Variants in LSG1 observed in about 807,000 individuals in gnomAD.
The protein encoded by LSG1 is large subunit GTPase 1 homolog.
LSG1 carries 55 observed loss-of-function variants against 82.6 expected under a neutral mutation model. The ratio of observed to expected loss-of-function variants is 0.67; its 90% CI spans 0.54 to 0.83. The LOEUF is 0.83. Ranked by LOEUF, LSG1 falls within the 40% of genes least tolerant of loss-of-function variation. The pLI, the probability that LSG1 is intolerant of heterozygous loss-of-function variation, is 0.00. For synonymous variants in LSG1, 272 were observed against 282.5 expected (o/e 0.96, Z 0.37); for missense variants, 809 against 807.9 (o/e 1.00, Z -0.02).
intron 4 of LSG1, 138 bp downstream of exon 4, chr3:194,666,065 A>G (rs1719023198): frequency 1.4e-6 from 1 of 732,004 alleles, no homozygotes; most frequent in African/African-American, 1.8e-5. Context: ...GCATACATCT[A>G]TTTGCACTTG....
intron 13 of LSG1, 28 bp downstream of exon 13, chr3:194,644,545 G>C (rs746347479): frequency 5.7e-6 from 9 of 1,571,918 alleles, no homozygotes; most frequent in African/African-American, 4.1e-5. Flanking sequence ...TGTTGGATCA[G>C]AAGTTTAAGA....
intron 13 of LSG1, among the ~76,000 whole-genome samples, 186 bp downstream of exon 13, chr3:194,644,386 AT>A (rs1560218786): frequency 0.14 from 12,879 of 93,820 alleles, 1,409 homozygotes; most frequent in East Asian, 0.33. Context: ...AAAAATAAAA[AT>A]AAATAAATAA....
chr3:194,668,131 T>G (rs1254470791), intron 2 of LSG1, among the ~76,000 whole-genome samples: 3 of 151,888 alleles, frequency 2.0e-5, no homozygotes, highest in Non-Finnish European at 4.4e-5. Flanking sequence ...GCAGTCACTG[T>G]ACACCCCCAG....
In LSG1 at chr3:194,659,150, G is replaced by A. The variant is rs1274654087; in HGVS notation, c.583-17C>T. 3.8e-6 allele frequency: 6 copies of A among 1,591,132 alleles called. 1 individual carries two copies. The South Asian group carries it at 5.6e-5, about 15-fold the overall frequency. On this transcript the variant is annotated splice_polypyrimidine_tract_variant and intron_variant, in intron 6 of 13. Coordinates refer to ENST00000265245, the MANE Select transcript of LSG1 (RefSeq NM_018385.3). ...ATAACATTCCTAAGCAAGACAAAGA[G>A]ATTTAGAAAGACCTCTTCAAACAAG...
chr3:194,649,563 C>T (rs113493312), intron 10 of LSG1, among the ~76,000 whole-genome samples: 6,729 of 151,374 alleles, frequency 0.044, 504 homozygotes, highest in African/African-American at 0.16. Context: ...GTGGTACATG[C>T]CTGTTAATCC....
chr3:194,645,553 C>CACACACACACACACAGACAG, intron 12 of LSG1, among the ~76,000 whole-genome samples: 1 of 45,438 alleles, frequency 2.2e-5, no homozygotes. Context: ...CACACACACA[C>CACACACACACACACAGACAG]ACACACACAC....
At chr3:194,646,363 A>C in intron 11 of LSG1, 120 bp from the exon 12 acceptor site, 1 of 686,666 alleles carries the variant, frequency 1.5e-6, no homozygotes, top group East Asian at 2.7e-5. Flanking sequence ...AAAATTAGGT[A>C]TCATTGTAGA....
chr3:194,656,312 AC>A (rs1338553486), intron 7 of LSG1, among the ~76,000 whole-genome samples: 6 of 144,720 alleles, frequency 4.1e-5, no homozygotes, highest in Admixed American at 1.4e-4. Flanking sequence ...CAAGAAAAAA[AC>A]AACCCCATCA....
At position 194,641,936 on chromosome 3, in the gene LSG1, G is replaced by C; in HGVS notation, c.*132C>G. 1.1e-6 allele frequency: 1 copy of C among 938,858 alleles called. No individual in the cohort carries two copies. Among genetic ancestry groups the C allele is most frequent in the Non-Finnish European group, 1.6e-6 (1 of 624,514 alleles). 58.2% of individuals were successfully genotyped at this position (938,858 alleles called of 1,614,324 possible). A position where few individuals can be genotyped will look rare whatever the true frequency, so the allele number is the denominator to read the frequency against. ...TTGGTCTTGACATGGAGACTGTTGG[G>C]TGCAGCCGTGCTCTGCAAGAGCAGG... is the stretch of plus-strand genomic sequence containing the variant. On this transcript the variant is annotated 3_prime_UTR_variant, in exon 14 of 14. Coordinates refer to ENST00000265245, the MANE Select transcript of LSG1 (RefSeq NM_018385.3).
At chr3:194,668,355 A>T (rs1719074887) in intron 2 of LSG1, among the ~76,000 whole-genome samples, 1 of 152,106 alleles carries the variant, frequency 6.6e-6, no homozygotes, top group Non-Finnish European at 1.5e-5. Context: ...AACTGCCAAA[A>T]TTTTTTTATA....
Position 194,671,854 on chromosome 3 carries a change from C to T in LSG1, c.99+210G>A, listed in dbSNP as rs1577262269. 5 of 617,152 alleles carry T rather than the reference C, an allele frequency of 8.1e-6. No homozygotes were observed. The East Asian group carries it at 1.4e-4, about 17-fold the overall frequency. 38.2% of individuals were successfully genotyped at this position (617,152 alleles called of 1,614,324 possible). On this transcript the variant is annotated intron_variant, in intron 1 of 13. Transcript: ENST00000265245. ...ATTCTCACTCCACGCCTCATCACCA[C>T]ACTAACTCTTCTTTCAAGCTTCTCC...
In LSG1 at chr3:194,641,899, T is replaced by G; in HGVS notation, c.*169A>C. ...ACTCCTTTTTGTCAGAGTTGGTGTT[T>G]CCAGGAGGCCCTTGGTCTTGACATG... On this transcript the variant is annotated 3_prime_UTR_variant, in exon 14 of 14. Transcript: ENST00000265245. The G allele has an allele frequency of 1.6e-6, 1 of 625,672 alleles. No individual in the cohort carries two copies. 38.8% of individuals were successfully genotyped at this position (625,672 alleles called of 1,614,324 possible). A position where few individuals can be genotyped will look rare whatever the true frequency, so the allele number is the denominator to read the frequency against.
At chr3:194,662,800 T>A (rs1448574883) in intron 5 of LSG1, among the ~76,000 whole-genome samples, 1 of 152,086 alleles carries the variant, frequency 6.6e-6, no homozygotes, top group Admixed American at 6.6e-5. Flanking sequence ...CAAAACTGAC[T>A]GGCTCTGGGG....
chr3:194,644,378 AAAT>A lies in LSG1; in HGVS notation c.1797+192_1797+194del, dbSNP rs1263274035. Among the ~76,000 whole-genome samples, 109 of 77,908 alleles carry A rather than the reference AAAT, an allele frequency of 1.4e-3. 5 individuals are homozygous for A. The highest frequency in any genetic ancestry group is 8.9e-3 in the South Asian group (22 of 2,474). 51.1% of individuals were successfully genotyped at this position (77,908 alleles called of 152,430 possible). A position where few individuals can be genotyped will look rare whatever the true frequency, so the allele number is the denominator to read the frequency against. ...AGCGAGACTCCGTCTCAAAAAAAAA[AAAT>A]AAAAATAAATAAATAAATAAATAAA... On this transcript the variant is annotated intron_variant, in intron 13 of 13. Transcript: ENST00000265245.
At chr3:194,660,587 T>C (rs1718905886) in intron 5 of LSG1, among the ~76,000 whole-genome samples, 3 of 152,142 alleles carry the variant, frequency 2.0e-5, no homozygotes, top group East Asian at 1.9e-4. Context: ...AAAAGAAAAC[T>C]AGTAAATCAC....
At chr3:194,645,575 G>GAC (rs57272537) in intron 12 of LSG1, among the ~76,000 whole-genome samples, 759 of 20,024 alleles carry the variant, frequency 0.038, 68 homozygotes, top group Non-Finnish European at 0.063. Flanking sequence ...CACACAGACA[G>GAC]ACACACACAC....
At chr3:194,664,032 G>T (rs191000832) in intron 5 of LSG1, among the ~76,000 whole-genome samples, 1 of 152,254 alleles carries the variant, frequency 6.6e-6, no homozygotes, top group East Asian at 1.9e-4. Context: ...GAGTGCAGTG[G>T]TGCGATCTCG....
At chr3:194,656,690 C>T (rs1224144513) in intron 7 of LSG1, among the ~76,000 whole-genome samples, 1 of 150,488 alleles carries the variant, frequency 6.6e-6, no homozygotes, top group East Asian at 1.9e-4. Context: ...TATAAAGACA[C>T]ATGCACACGT....
Position 194,652,827 on chromosome 3 carries a change from T to C in LSG1, c.1075A>G (p.Asn359Asp). The C allele has an allele frequency of 6.2e-7, 1 of 1,614,066 alleles. No individual in the cohort carries two copies. Among genetic ancestry groups the C allele is most frequent in the South Asian group, 1.1e-5 (1 of 91,068 alleles). Residue 359 changes from asparagine (N) to aspartate (D), a missense_variant, in exon 8 of 14, where the codon AAT (asparagine) becomes GAT (aspartate). Asn to Asp is a conservative substitution (Grantham distance 23, BLOSUM62 1). Coordinates refer to ENST00000265245, the MANE Select transcript of LSG1 (RefSeq NM_018385.3). ...TGCTTGGATACCAGATGGCTAAAAT[T>C]GTGTATCTGCCTCTTCTGTGGGGTT... Reference protein sequence around the residue: ...RKTPQKRQIHNFSHLVSKQEL... With the variant: ...RKTPQKRQIHDFSHLVSKQEL...
Sources: allele counts gnomAD v4.1 joint callset (sites outside exome capture counted in the v4.1 genomes callset), GRCh38; gene constraint gnomAD v4.1.1; transcripts MANE v1.5; gene names NCBI Gene and HGNC (gene_info 2026-07-23, HGNC 2026-07-21).